The following BMPR1A variants were observed in gnomAD, a reference collection of about 807,000 sequenced individuals.
BMPR1A encodes bone morphogenetic protein receptor type 1A, also known as bone morphogenetic protein receptor type-1A.
Under a neutral mutation model 66.0 loss-of-function variants are expected in BMPR1A, and 7 were observed. The ratio of observed to expected loss-of-function variants is 0.11; its 90% CI spans 0.06 to 0.20. BMPR1A has a LOEUF of 0.20. Ranked by LOEUF, BMPR1A falls within the 10% of genes least tolerant of loss-of-function variation. The pLI is 1.00. For missense variants in BMPR1A, 408 were observed against 669.1 expected (o/e 0.61, Z 4.31); for synonymous variants, 200 against 229.7 (o/e 0.87, Z 1.17).
intron 1 of BMPR1A, among the ~76,000 whole-genome samples, chr10:86,833,407 G>A (rs542650297): frequency 8.5e-5 from 13 of 152,306 alleles, no homozygotes; most frequent in African/African-American, 2.9e-4. Context: ...GAGAGCCTAC[G>A]TCAGACAATA....
chr10:86,843,706 A>G (rs1842451400), intron 2 of BMPR1A, among the ~76,000 whole-genome samples: 1 of 152,222 alleles, frequency 6.6e-6, no homozygotes, highest in Non-Finnish European at 1.5e-5. Context: ...GGAAAAGTGC[A>G]TGGATAGAAA....
At chr10:86,831,096 A>G (rs1171240677) in intron 1 of BMPR1A, among the ~76,000 whole-genome samples, 3 of 152,144 alleles carry the variant, frequency 2.0e-5, no homozygotes, top group Non-Finnish European at 4.4e-5. Flanking sequence ...GTTCCACTGC[A>G]TGGATAAGAC....
intron 1 of BMPR1A, among the ~76,000 whole-genome samples, chr10:86,810,507 T>C (rs934080514): frequency 2.6e-5 from 4 of 152,224 alleles, no homozygotes; most frequent in Non-Finnish European, 5.9e-5. Flanking sequence ...TTTTCCAAAA[T>C]GGCTGCACCA....
chr10:86,843,545 A>G (rs1202133014), intron 2 of BMPR1A: 2 of 152,354 alleles, frequency 1.3e-5, no homozygotes, highest in East Asian at 3.9e-4. Context: ...ATGATAACCA[A>G]CATTGCCATG....
At chr10:86,779,992 A>G (rs1841411110) in intron 1 of BMPR1A, among the ~76,000 whole-genome samples, 1 of 152,150 alleles carries the variant, frequency 6.6e-6, no homozygotes. Flanking sequence ...TATAACCTTG[A>G]ACTCCTGGCC....
intron 1 of BMPR1A, among the ~76,000 whole-genome samples, chr10:86,793,092 A>AT (rs1841652727): frequency 7.8e-6 from 1 of 128,988 alleles, no homozygotes; most frequent in Non-Finnish European, 1.6e-5. Context: ...CTCCTGATCT[A>AT]TACCCCCCCC....
rs371835196 is a variant in BMPR1A, at chr10:86,921,311, T to C, written c.1167-209T>C. Among the ~76,000 whole-genome samples, 13 of 152,306 alleles carry C rather than the reference T, an allele frequency of 8.5e-5. No homozygotes were observed. In the East Asian group the frequency reaches 1.4e-3, roughly 16 times the overall value. On this transcript the variant is annotated intron_variant, in intron 10 of 12. Transcript: ENST00000372037. ...TTGCTGTAGACACAGTACTGAGTAC[T>C]GAGTTGGATTAAGAGTGCTGCCCCA...
At chr10:86,761,835 T>C (rs151148321) in intron 1 of BMPR1A, among the ~76,000 whole-genome samples, 27 of 152,226 alleles carry the variant, frequency 1.8e-4, no homozygotes, top group African/African-American at 4.1e-4. Context: ...GTGACAGATA[T>C]GAAAAATGAG....
chr10:86,898,671 C>G (rs1843264433), intron 5 of BMPR1A, among the ~76,000 whole-genome samples: 1 of 152,116 alleles, frequency 6.6e-6, no homozygotes, highest in Non-Finnish European at 1.5e-5. Flanking sequence ...CCAAAGAAAC[C>G]CTTTCTTGGT....
intron 2 of BMPR1A, among the ~76,000 whole-genome samples, chr10:86,868,662 A>G (rs1476960826): frequency 6.6e-6 from 1 of 152,184 alleles, no homozygotes; most frequent in Non-Finnish European, 1.5e-5. Flanking sequence ...CTTGTTGGAA[A>G]TTCCCAAACT....
At chr10:86,869,201 A>G (rs1026040376) in intron 2 of BMPR1A, among the ~76,000 whole-genome samples, 1 of 152,208 alleles carries the variant, frequency 6.6e-6, no homozygotes, top group Non-Finnish European at 1.5e-5. Flanking sequence ...TCACACCTGT[A>G]ATCCCAGCAC....
intron 2 of BMPR1A, among the ~76,000 whole-genome samples, chr10:86,842,303 T>A (rs1842435315): frequency 6.6e-6 from 1 of 152,152 alleles, no homozygotes; most frequent in East Asian, 1.9e-4. Context: ...GTCTTCCCTG[T>A]TGATTGTTTT....
At chr10:86,793,905 G>A (rs1841667324) in intron 1 of BMPR1A, among the ~76,000 whole-genome samples, 1 of 152,128 alleles carries the variant, frequency 6.6e-6, no homozygotes, top group Non-Finnish European at 1.5e-5. Context: ...CTAGAGGCTG[G>A]CTGCATTCCT....
intron 4 of BMPR1A, among the ~76,000 whole-genome samples, chr10:86,890,612 T>A (rs994724516): frequency 7.9e-5 from 12 of 152,062 alleles, no homozygotes; most frequent in African/African-American, 2.9e-4. Flanking sequence ...ATTTTTTTTT[T>A]AACTATAGAC....
chr10:86,858,360 T>C (rs935972592), intron 2 of BMPR1A, among the ~76,000 whole-genome samples: 1 of 152,236 alleles, frequency 6.6e-6, no homozygotes, highest in Non-Finnish European at 1.5e-5. Flanking sequence ...TATTATTTTG[T>C]TCTTCAGTAT....
intron 3 of BMPR1A, among the ~76,000 whole-genome samples, chr10:86,882,052 A>G (rs1397815203): frequency 6.6e-6 from 1 of 151,988 alleles, no homozygotes; most frequent in African/African-American, 2.4e-5. Flanking sequence ...ATAAATGGAC[A>G]TATCTGGTAT....
intron 2 of BMPR1A, among the ~76,000 whole-genome samples, chr10:86,856,430 G>C (rs111608387): frequency 2.0e-5 from 3 of 152,284 alleles, no homozygotes; most frequent in African/African-American, 7.2e-5. Context: ...TATCTTAAGG[G>C]TGAATTCTTT....
chr10:86,881,514 T>A lies in BMPR1A; in HGVS notation c.67+5429T>A, dbSNP rs182358324. 2.6e-5 allele frequency among the ~76,000 whole-genome samples: 4 copies of A among 152,284 alleles called. No homozygotes were observed. In the East Asian group the frequency reaches 7.7e-4, roughly 29 times the overall value. On this transcript the variant is annotated intron_variant, in intron 3 of 12. Transcript: ENST00000372037. ...CCTTAAAAACAGAGATAAGCAGGCATTTGGTTCCCTCCTGCCCACAACATA... is the reference window on the plus strand; with the variant it reads ...CCTTAAAAACAGAGATAAGCAGGCAATTGGTTCCCTCCTGCCCACAACATA...
chr10:86,931,298 C>CACATATATATATATATAT, downstream of BMPR1A: 9 of 90,918 alleles, frequency 9.9e-5, no homozygotes, highest in African/African-American at 1.4e-4. Context: ...CACACACACA[C>CACATATATATATATATAT]ATATATATAT....
Sources: gnomAD v4.1 joint callset for allele counts (sites outside exome capture counted in the v4.1 genomes callset) on GRCh38, gnomAD v4.1.1 for gene constraint, MANE v1.5 for transcripts, NCBI Gene and HGNC (gene_info 2026-07-23, HGNC 2026-07-21) for gene names.